The following RAD51B variants were observed in gnomAD, a reference collection of about 807,000 sequenced individuals.
RAD51B encodes DNA repair protein RAD51 homolog 2.
RAD51B carries 38 observed loss-of-function variants against 42.2 expected under a neutral mutation model. That is an observed-to-expected ratio of 0.90 (90% CI 0.70 to 1.18). The LOEUF is 1.18. Among genes scored for constraint, RAD51B ranks in the 50% most tolerant of loss-of-function variants. The pLI, the probability that RAD51B is intolerant of heterozygous loss-of-function variation, is 0.00. For synonymous variants in RAD51B, 154 were observed against 145.2 expected (o/e 1.06, Z -0.43); for missense variants, 373 against 400.7 (o/e 0.93, Z 0.59).
At chr14:68,024,885 T>C (rs1177504694) in intron 7 of RAD51B, among the ~76,000 whole-genome samples, 1 of 152,112 alleles carries the variant, frequency 6.6e-6, no homozygotes, top group Non-Finnish European at 1.5e-5. Flanking sequence ...TCCAGTAGTA[T>C]GTTGAATAGT....
At chr14:68,537,949 G>A (rs972201259) in intron 10 of RAD51B, among the ~76,000 whole-genome samples, 1 of 152,170 alleles carries the variant, frequency 6.6e-6, no homozygotes, top group African/African-American at 2.4e-5. Flanking sequence ...TAGCTAAGTG[G>A]TCAAAAAACT....
intron 9 of RAD51B, among the ~76,000 whole-genome samples, chr14:68,424,741 TGAG>T (rs1259634779): frequency 1.3e-5 from 2 of 152,196 alleles, no homozygotes; most frequent in Admixed American, 1.3e-4. Context: ...CCCTTTGACT[TGAG>T]GAGGCCAGTC....
intron 10 of RAD51B, chr14:68,650,636 T>C: frequency 1.7e-6 from 1 of 598,118 alleles, no homozygotes; most frequent in Non-Finnish European, 3.0e-6. Context: ...GCCCATACTG[T>C]TGTGTTTAAA....
intron 9 of RAD51B, among the ~76,000 whole-genome samples, chr14:68,440,087 A>G (rs2140157181): frequency 6.6e-6 from 1 of 152,352 alleles, no homozygotes; most frequent in Non-Finnish European, 1.5e-5. Context: ...CAGATTCTGT[A>G]AAGAGACTCC....
chr14:68,600,905 C>T (rs1363070255), downstream of RAD51B, among the ~76,000 whole-genome samples: 1 of 152,200 alleles, frequency 6.6e-6, no homozygotes, highest in Non-Finnish European at 1.5e-5. Context: ...GGGTTTTGCA[C>T]AGCCTGAAGC....
intron 8 of RAD51B, among the ~76,000 whole-genome samples, chr14:68,371,003 C>G (rs1435745276): frequency 4.8e-5 from 6 of 124,662 alleles, no homozygotes; most frequent in African/African-American, 1.8e-4. Context: ...TGCTGCTGCA[C>G]TCCAGCCTGG....
At chr14:68,255,495 A>G (rs954866440) in intron 7 of RAD51B, among the ~76,000 whole-genome samples, 3 of 152,144 alleles carry the variant, frequency 2.0e-5, no homozygotes, top group Non-Finnish European at 4.4e-5. Context: ...ATTCACACTA[A>G]TTTTCAAAGT....
At chr14:68,525,920 T>A (rs1886897948) in intron 10 of RAD51B, among the ~76,000 whole-genome samples, 1 of 152,194 alleles carries the variant, frequency 6.6e-6, no homozygotes, top group Non-Finnish European at 1.5e-5. Context: ...GATTTACAAT[T>A]TTCTTCTGTC....
intron 8 of RAD51B, among the ~76,000 whole-genome samples, chr14:68,337,477 T>C (rs1024688831): frequency 6.6e-6 from 1 of 152,236 alleles, no homozygotes; most frequent in Admixed American, 6.5e-5. Flanking sequence ...GTGGCTGTAC[T>C]CTTGCATCCT....
At chr14:67,976,138 A>T (rs2074989006) in intron 7 of RAD51B, among the ~76,000 whole-genome samples, 1 of 150,054 alleles carries the variant, frequency 6.7e-6, no homozygotes, top group African/African-American at 2.5e-5. Context: ...GTGTTTTGAG[A>T]CAAGGTCTCA....
rs147579470 is a variant in RAD51B, at chr14:68,591,237, A to G, written c.1037-3248A>G. On this transcript the variant is annotated intron_variant, in intron 10 of 10. Coordinates refer to the RAD51B transcript ENST00000487270. The stretch of plus-strand genomic sequence containing the variant: ...GTGACATACACAGGGACAGTGGGAA[A>G]TGGAAGCTGGAAGAAGTCCCAGAAG... 3.9e-5 allele frequency among the ~76,000 whole-genome samples: 6 copies of G among 152,312 alleles called. No individual in the cohort carries two copies. In the East Asian group the frequency reaches 9.6e-4, roughly 24 times the overall value.
intron 10 of RAD51B, among the ~76,000 whole-genome samples, chr14:68,647,637 G>A (rs1892589014): frequency 6.6e-6 from 1 of 152,126 alleles, no homozygotes; most frequent in Non-Finnish European, 1.5e-5. Context: ...ACATTATATG[G>A]TGCTTTTGTG....
chr14:68,682,719 A>G (rs369696942), intron 11 of RAD51B, among the ~76,000 whole-genome samples: 2 of 146,416 alleles, frequency 1.4e-5, no homozygotes, highest in African/African-American at 4.9e-5. Context: ...TCAGCTGGAC[A>G]TATGTTAGGA....
intron 3 of RAD51B, among the ~76,000 whole-genome samples, chr14:67,827,084 C>T (rs1459766802): frequency 6.6e-6 from 1 of 152,172 alleles, no homozygotes; most frequent in Non-Finnish European, 1.5e-5. Context: ...TAGAAACTGG[C>T]ATTAGTCTTA....
At chr14:68,267,113 T>A (rs1404097599) in intron 7 of RAD51B, among the ~76,000 whole-genome samples, 2 of 152,176 alleles carry the variant, frequency 1.3e-5, no homozygotes, top group African/African-American at 4.8e-5. Context: ...GATGGCCTGG[T>A]GTTCTTCAGA....
chr14:68,393,883 A>G (rs143610270), intron 8 of RAD51B, among the ~76,000 whole-genome samples: 19 of 152,342 alleles, frequency 1.2e-4, no homozygotes, highest in Non-Finnish European at 1.6e-4. Context: ...TGTTTCTGCA[A>G]ACTCCTGCCC....
intron 7 of RAD51B, among the ~76,000 whole-genome samples, chr14:67,967,303 C>G (rs1024482604): frequency 7.2e-5 from 11 of 152,156 alleles, no homozygotes; most frequent in Non-Finnish European, 1.0e-4. Context: ...AAACCTCATT[C>G]AGCCTCTGGC....
chr14:67,844,445 G>T (rs1181704803), intron 4 of RAD51B, among the ~76,000 whole-genome samples: 2 of 151,450 alleles, frequency 1.3e-5, no homozygotes, highest in Non-Finnish European at 1.5e-5. Flanking sequence ...ATGTCAGTGG[G>T]GTGTTGAAGT....
chr14:68,490,032 C>G (rs1192688193), intron 10 of RAD51B, among the ~76,000 whole-genome samples: 1 of 152,114 alleles, frequency 6.6e-6, no homozygotes, highest in East Asian at 1.9e-4. Context: ...AAGCTGAGAG[C>G]CGTAACTACC....
Sources: allele counts gnomAD v4.1 joint callset (sites outside exome capture counted in the v4.1 genomes callset), GRCh38; gene constraint gnomAD v4.1.1; transcripts MANE v1.5; gene names NCBI Gene and HGNC (gene_info 2026-07-23, HGNC 2026-07-21).